ANK2: variants seen among roughly 807,000 people sequenced by gnomAD.
The protein encoded by ANK2 is ankyrin 2, also known as ankyrin-2.
Under a neutral mutation model 360.5 loss-of-function variants are expected in ANK2, and 83 were observed. The ratio of observed to expected loss-of-function variants is 0.23; its 90% CI spans 0.19 to 0.28. ANK2 has a LOEUF of 0.28. Among genes scored for constraint, ANK2 ranks in the 10% least tolerant of loss-of-function variants. The pLI, the probability that ANK2 is intolerant of heterozygous loss-of-function variation, is 1.00. For missense variants in ANK2, 4,201 were observed against 4,795.7 expected (o/e 0.88, Z 3.66); for synonymous variants, 1,740 against 1,759.5 (o/e 0.99, Z 0.28).
At chr4:113,121,217 A>G (rs1483485191) in intron 1 of ANK2, among the ~76,000 whole-genome samples, 1 of 152,118 alleles carries the variant, frequency 6.6e-6, no homozygotes, top group East Asian at 1.9e-4. Flanking sequence ...TATTCTCTGG[A>G]TTTCACAAAC....
At chr4:112,838,761 C>T (rs1006967621) in intron 1 of ANK2, among the ~76,000 whole-genome samples, 1 of 152,106 alleles carries the variant, frequency 6.6e-6, no homozygotes, top group African/African-American at 2.4e-5. Flanking sequence ...CCCAGCTACT[C>T]GGGAGGCTGA....
chr4:112,788,419 C>T, the ANK2 span: 4 of 1,596,678 alleles, frequency 2.5e-6, no homozygotes, highest in Non-Finnish European at 3.4e-6. Context: ...GTGCAATCAC[C>T]ACCAGCTGAG....
intron 1 of ANK2, among the ~76,000 whole-genome samples, chr4:112,862,924 T>C (rs937353312): frequency 3.3e-5 from 5 of 152,158 alleles, no homozygotes; most frequent in Non-Finnish European, 7.3e-5. Context: ...TTCTAGAGGA[T>C]TCAGGAAACT....
chr4:113,015,311 C>G (rs1163614509), intron 2 of ANK2, among the ~76,000 whole-genome samples: 1 of 152,140 alleles, frequency 6.6e-6, no homozygotes, highest in African/African-American at 2.4e-5. Context: ...ACCTAATCTT[C>G]AAGGTCGTGA....
At chr4:113,284,002 G>T (rs2063416440) in intron 18 of ANK2, among the ~76,000 whole-genome samples, 2 of 152,142 alleles carry the variant, frequency 1.3e-5, no homozygotes. Flanking sequence ...CTATTTTCTT[G>T]TCACTCAGAA....
intron 2 of ANK2, among the ~76,000 whole-genome samples, chr4:112,989,745 T>C (rs1578450847): frequency 6.6e-6 from 1 of 152,178 alleles, no homozygotes; most frequent in Non-Finnish European, 1.5e-5. Context: ...TAGTAATAAA[T>C]GGTATGTAAG....
chr4:112,838,623 T>A (rs56084582), intron 1 of ANK2, among the ~76,000 whole-genome samples: 3,240 of 152,284 alleles, frequency 0.021, 115 homozygotes, highest in African/African-American at 0.074. Context: ...ATCCCAGCAC[T>A]TTGGGAGGCC....
At chr4:113,102,369 T>A (rs17045563) in intron 1 of ANK2, among the ~76,000 whole-genome samples, 4,867 of 152,056 alleles carry the variant, frequency 0.032, 238 homozygotes, top group African/African-American at 0.11. Context: ...AAAAATAGTA[T>A]GTGAGACATC....
the ANK2 span, among the ~76,000 whole-genome samples, chr4:112,731,800 G>A: frequency 6.6e-6 from 1 of 152,058 alleles, no homozygotes; most frequent in Non-Finnish European, 1.5e-5. Flanking sequence ...TACTCAAAGT[G>A]CAGAAGCAAG....
At chr4:113,124,616 C>T (rs1378161851) in intron 1 of ANK2, among the ~76,000 whole-genome samples, 1 of 152,156 alleles carries the variant, frequency 6.6e-6, no homozygotes, top group Non-Finnish European at 1.5e-5. Flanking sequence ...GTACAGGATT[C>T]TGAAATGTAC....
chr4:113,213,959 T>TG lies in ANK2; in HGVS notation c.384+14850_384+14851insG, dbSNP rs1395939268. ...CGACAAAATGCTGTTTTATTTATTT[T>TG]TTTTTTTTATTTTTTTTTTAAGTAC... On this transcript the variant is annotated intron_variant, in intron 4 of 45. Transcript: ENST00000357077. 5.7e-5 allele frequency: 28 copies of TG among 489,208 alleles called. 2 individuals are homozygous for TG. Among genetic ancestry groups the TG allele is most frequent in the Non-Finnish European group, 8.8e-5 (27 of 305,844 alleles). The allele number at this position is 489,208 out of a possible 1,614,324, so 30.3% of individuals were successfully genotyped here. A position where few individuals can be genotyped will look rare whatever the true frequency, so the allele number is the denominator to read the frequency against.
intron 45 of ANK2, among the ~76,000 whole-genome samples, chr4:113,375,588 G>A (rs1384099242): frequency 2.0e-5 from 3 of 152,004 alleles, no homozygotes; most frequent in Admixed American, 2.0e-4. Flanking sequence ...AGCCAGGCGT[G>A]GTGGCGGGTG....
At chr4:113,273,458 A>G (rs2059199967) in intron 14 of ANK2, among the ~76,000 whole-genome samples, 1 of 152,126 alleles carries the variant, frequency 6.6e-6, no homozygotes, top group Admixed American at 6.5e-5. Flanking sequence ...ATCTCTTCCT[A>G]TAGCTCCTCT....
intron 1 of ANK2, among the ~76,000 whole-genome samples, chr4:112,855,071 T>C (rs2066003958): frequency 1.3e-5 from 2 of 152,224 alleles, no homozygotes; most frequent in South Asian, 4.1e-4. Context: ...GATGTAGACC[T>C]TGGAAAGAGA....
chr4:113,053,722 TAG>T (rs924033443), intron 1 of ANK2, among the ~76,000 whole-genome samples: 62 of 152,310 alleles, frequency 4.1e-4, no homozygotes, highest in African/African-American at 1.4e-3. Flanking sequence ...GCCTCCCTTG[TAG>T]CTGGGACTGC....
At chr4:113,036,080 A>G (rs1477294985) in intron 2 of ANK2, among the ~76,000 whole-genome samples, 1 of 151,880 alleles carries the variant, frequency 6.6e-6, no homozygotes, top group Non-Finnish European at 1.5e-5. Context: ...TACGTCTTCC[A>G]ATGTCTGTGT....
At chr4:113,137,116 G>A (rs1582737978) in intron 1 of ANK2, among the ~76,000 whole-genome samples, 1 of 152,140 alleles carries the variant, frequency 6.6e-6, no homozygotes, top group South Asian at 2.1e-4. Flanking sequence ...TTACATGTGT[G>A]AGCCACTGCG....
chr4:113,097,277 T>C (rs559756684), intron 1 of ANK2, among the ~76,000 whole-genome samples: 1 of 152,002 alleles, frequency 6.6e-6, no homozygotes, highest in South Asian at 2.1e-4. Flanking sequence ...GATTTCTTTT[T>C]TTCTGATAGA....
chr4:112,708,476 C>G, the ANK2 span, among the ~76,000 whole-genome samples: 1 of 151,958 alleles, frequency 6.6e-6, no homozygotes, highest in African/African-American at 2.4e-5. Context: ...TTTAGGAAAG[C>G]TTTTGGTGAA....
Sources: allele counts gnomAD v4.1 joint callset (sites outside exome capture counted in the v4.1 genomes callset), GRCh38; gene constraint gnomAD v4.1.1; transcripts MANE v1.5; gene names NCBI Gene and HGNC (gene_info 2026-07-23, HGNC 2026-07-21).